Variants in PXDNL observed in about 807,000 individuals in gnomAD.
PXDNL encodes the protein peroxidasin like, also known as probable oxidoreductase PXDNL.
A neutral mutation model predicts 150.8 loss-of-function variants in PXDNL; 145 were observed. The observed-to-expected ratio is 0.96, with a 90% confidence interval of 0.84 to 1.10. The LOEUF is 1.10. Ranked by LOEUF, PXDNL falls within the 50% of genes least tolerant of loss-of-function variation. The pLI is 0.00. For synonymous variants in PXDNL, 757 were observed against 725.7 expected, an observed-to-expected ratio of 1.04 and a Z score of -0.69; for missense variants, 2,087 against 1,873.9, an observed-to-expected ratio of 1.11 and a Z score of -2.10.
chr8:51,333,653 A>G (rs543605780), intron 21 of PXDNL, among the ~76,000 whole-genome samples: 1 of 152,320 alleles, frequency 6.6e-6, no homozygotes, highest in South Asian at 2.1e-4. Flanking sequence ...GGGGTGGAAA[A>G]AAGCATTTAT....
chr8:51,474,839 C>G, intron 7 of PXDNL, 133 bp downstream of exon 7: 1 of 718,394 alleles, frequency 1.4e-6, no homozygotes, highest in Non-Finnish European at 2.1e-6. Context: ...ATTGGCCATA[C>G]TTTTACCACA....
At chr8:51,631,277 C>T (rs1485712390) in intron 2 of PXDNL, among the ~76,000 whole-genome samples, 1 of 151,592 alleles carries the variant, frequency 6.6e-6, no homozygotes, top group East Asian at 1.9e-4. Context: ...CCAGAGCCTA[C>T]TTAGGGTGAG....
intron 2 of PXDNL, among the ~76,000 whole-genome samples, chr8:51,637,553 T>C (rs1411862411): frequency 1.3e-5 from 2 of 152,074 alleles, no homozygotes; most frequent in African/African-American, 4.8e-5. Flanking sequence ...ACATAATGAA[T>C]GCACAAGCTT....
At chr8:51,441,179 T>G (rs1563413347) in intron 12 of PXDNL, among the ~76,000 whole-genome samples, 1 of 152,256 alleles carries the variant, frequency 6.6e-6, no homozygotes, top group East Asian at 1.9e-4. Context: ...CGGCACTCAT[T>G]CTCTCTCCTG....
rs989978770 is a variant in PXDNL, at chr8:51,320,481, T to C, written c.4260+303A>G. ...CTGACTGAAGAATAATGAGATGAAC[T>C]CAAGTCCCAGGTTGGCTCAGTTTAC... On this transcript the variant is annotated intron_variant, in intron 22 of 22. Coordinates refer to ENST00000356297, the MANE Select transcript of PXDNL (RefSeq NM_144651.5). Among the ~76,000 whole-genome samples, 3 of 152,240 alleles carry C rather than the reference T, an allele frequency of 2.0e-5. 1 individual carries two copies. The highest frequency in any genetic ancestry group is 4.4e-5 in the Non-Finnish European group (3 of 68,044).
At chr8:51,391,346 A>G (rs912519182) in intron 17 of PXDNL, among the ~76,000 whole-genome samples, 28 of 152,236 alleles carry the variant, frequency 1.8e-4, no homozygotes, top group African/African-American at 6.7e-4. Flanking sequence ...GAACTAGTTT[A>G]CAGTCCCACC....
intron 2 of PXDNL, among the ~76,000 whole-genome samples, chr8:51,637,152 T>A (rs1814622815): frequency 6.6e-6 from 1 of 152,022 alleles, no homozygotes; most frequent in African/African-American, 2.4e-5. Context: ...GAAGGAAAAC[T>A]AACAAACAGA....
intron 17 of PXDNL, among the ~76,000 whole-genome samples, chr8:51,385,384 G>A (rs1807670604): frequency 6.6e-6 from 1 of 151,426 alleles, no homozygotes; most frequent in Non-Finnish European, 1.5e-5. Context: ...TAAATGTTAT[G>A]TTTACACACT....
chr8:51,537,118 C>T (rs1812095652), intron 4 of PXDNL, among the ~76,000 whole-genome samples: 1 of 152,042 alleles, frequency 6.6e-6, no homozygotes, highest in Admixed American at 6.6e-5. Flanking sequence ...ACATGTAATA[C>T]CTTTAAGGTA....
intron 1 of PXDNL, among the ~76,000 whole-genome samples, chr8:51,783,450 C>T (rs919057212): frequency 1.3e-5 from 2 of 152,214 alleles, no homozygotes; most frequent in Admixed American, 6.5e-5. Context: ...CTTATCCCAG[C>T]TAGATGCTTT....
chr8:51,470,916 T>C (rs889063123), intron 8 of PXDNL, among the ~76,000 whole-genome samples: 3 of 151,758 alleles, frequency 2.0e-5, no homozygotes, highest in Non-Finnish European at 4.4e-5. Context: ...ATTCAGGACA[T>C]AGGCACGGGC....
rs1202730192 is a variant in PXDNL at position 51,380,137 on chromosome 8, A to T, written c.3558-5406T>A. ...GAATAGCTGACGAGCTAAAAAAAAA[A>T]AAATAACAAAAAAACTCATAATATT... is the stretch of plus-strand genomic sequence containing the variant. On this transcript the variant is annotated intron_variant, in intron 17 of 22. Coordinates refer to ENST00000356297, the MANE Select transcript of PXDNL (RefSeq NM_144651.5). Among the ~76,000 whole-genome samples the T allele has an allele frequency of 3.3e-5, 5 of 152,228 alleles. No homozygotes were observed. The East Asian group carries it at 9.6e-4, about 29-fold the overall frequency.
At chr8:51,765,245 C>A (rs1160478928) in intron 1 of PXDNL, among the ~76,000 whole-genome samples, 1 of 152,044 alleles carries the variant, frequency 6.6e-6, no homozygotes, top group African/African-American at 2.4e-5. Flanking sequence ...GGGCGGTTTC[C>A]CCCTTACTGT....
At chr8:51,792,386 T>G (rs553774547) in intron 1 of PXDNL, among the ~76,000 whole-genome samples, 1 of 152,312 alleles carries the variant, frequency 6.6e-6, no homozygotes, top group South Asian at 2.1e-4. Flanking sequence ...CTACCCTGTC[T>G]GGGAAACCAC....
Position 51,654,751 on chromosome 8 carries a change from C to A in PXDNL, c.174G>T (p.Arg58Ser), listed in dbSNP as rs766095622. ...VPQQTTVLDL[R>S]FNRIREIPGS... ...CTGGAATTTCTCTTATTCTGTTAAACCTCAAGTCTCTGGGAACATAAAAAG... is the reference window on the plus strand; with the variant it reads ...CTGGAATTTCTCTTATTCTGTTAAAACTCAAGTCTCTGGGAACATAAAAAG... The change falls in exon 2 of 23, where the codon AGG becomes AGT. Residue 58 changes from arginine (R) to serine (S), a missense_variant. Physicochemically the swap from Arg to Ser is moderately radical, Grantham distance 110. Coordinates refer to ENST00000356297, the MANE Select transcript of PXDNL (RefSeq NM_144651.5). 1 of 1,612,752 alleles carries A rather than the reference C, an allele frequency of 6.2e-7. No homozygotes were observed.
Position 51,654,681 on chromosome 8 carries a change from G to C in PXDNL, c.236+8C>G. 1 of 1,605,856 alleles carries C rather than the reference G, an allele frequency of 6.2e-7. No individual in the cohort carries two copies. Among genetic ancestry groups the C allele is most frequent in the Non-Finnish European group, 8.5e-7 (1 of 1,173,164 alleles). The stretch of plus-strand genomic sequence containing the variant: ...TAGGAACCTTACAGATAAGCAATAA[G>C]TACTCACAGTGTGTTCAAATTCTTG... On this transcript the variant is annotated splice_region_variant and intron_variant, in intron 2 of 22. Transcript: ENST00000356297.
chr8:51,652,850 G>A (rs1188330909), intron 2 of PXDNL, among the ~76,000 whole-genome samples: 1 of 152,074 alleles, frequency 6.6e-6, no homozygotes, highest in African/African-American at 2.4e-5. Context: ...TATTATCCAT[G>A]GTTTCTGCCA....
At chr8:51,697,168 G>A (rs370919673) in intron 1 of PXDNL, among the ~76,000 whole-genome samples, 6 of 151,976 alleles carry the variant, frequency 3.9e-5, no homozygotes, top group African/African-American at 1.5e-4. Flanking sequence ...GCCGAGCGTG[G>A]TGGCGGGCGC....
chr8:51,677,981 A>G (rs4382468), intron 1 of PXDNL, among the ~76,000 whole-genome samples: 123,106 of 152,128 alleles, frequency 0.81, 49,911 homozygotes, highest in East Asian at 0.86. Flanking sequence ...GAGTGACAAT[A>G]AAGAGTTTGC....
Sources: gnomAD v4.1 joint callset for allele counts (sites outside exome capture counted in the v4.1 genomes callset) on GRCh38, gnomAD v4.1.1 for gene constraint, MANE v1.5 for transcripts, NCBI Gene and HGNC (gene_info 2026-07-23, HGNC 2026-07-21) for gene names.